The following XKR4 variants were observed in gnomAD, a reference collection of about 807,000 sequenced individuals.
XKR4 encodes the protein XK-related protein 4.
XKR4 carries 12 observed loss-of-function variants against 53.9 expected under a neutral mutation model. The ratio of observed to expected loss-of-function variants is 0.22; its 90% CI spans 0.14 to 0.36. The LOEUF is 0.36. XKR4 is among the 10% of genes least tolerant of loss of function. XKR4 has a pLI of 1.00. For missense variants in XKR4, 799 were observed against 859.5 expected (o/e 0.93, Z 0.88); for synonymous variants, 354 against 362.4 (o/e 0.98, Z 0.26).
chr8:55,102,675 C>CGCTGCTGCT lies in XKR4; in HGVS notation c.196_204dup (p.Cys66_Cys68dup). ...CTGCCCGGACGGCGGCGGCTGCTCGCGCTGCTGCTGCTGCTGCGCCGGGAG... is the reference window on the plus strand; with the variant it reads ...CTGCCCGGACGGCGGCGGCTGCTCGCGCTGCTGCTGCTGCTGCTGCTGCTGCGCCGGGAG... On this transcript the variant is annotated inframe_insertion, in exon 1 of 3. Transcript: ENST00000327381. The surrounding 1 kb of genome is among the most constrained non-coding windows in gnomAD (Gnocchi z 5.1). 1 of 1,224,936 alleles carries CGCTGCTGCT rather than the reference C, an allele frequency of 8.2e-7. No individual in the cohort carries two copies. Among genetic ancestry groups the CGCTGCTGCT allele is most frequent in the Non-Finnish European group, 1.0e-6 (1 of 974,360 alleles). The allele number at this position is 1,224,936 out of a possible 1,614,324, so 75.9% of individuals were successfully genotyped here.
At chr8:55,135,838 A>G (rs1816620367) in intron 1 of XKR4, among the ~76,000 whole-genome samples, 2 of 151,776 alleles carry the variant, frequency 1.3e-5, no homozygotes, top group African/African-American at 2.4e-5. Context: ...TGAAGAAAAC[A>G]TTGGATATAA....
intron 2 of XKR4, among the ~76,000 whole-genome samples, chr8:55,510,102 A>C: frequency 6.6e-6 from 1 of 152,060 alleles, no homozygotes; most frequent in Non-Finnish European, 1.5e-5. Flanking sequence ...CTCCCCTCCC[A>C]GGGGCAGGAG....
At chr8:55,382,173 T>C (rs1804244538) in intron 2 of XKR4, among the ~76,000 whole-genome samples, 1 of 152,254 alleles carries the variant, frequency 6.6e-6, no homozygotes, top group African/African-American at 2.4e-5. Context: ...ATTTTTCTGA[T>C]GCTGAGGTTT....
At chr8:55,305,083 C>T (rs551178082) in intron 1 of XKR4, among the ~76,000 whole-genome samples, 41 of 152,160 alleles carry the variant, frequency 2.7e-4, no homozygotes, top group African/African-American at 7.0e-4. Context: ...CAGCCAGTGG[C>T]GATGGGACTA....
At chr8:55,222,240 TACTC>T (rs1585948855) in intron 1 of XKR4, among the ~76,000 whole-genome samples, 1 of 152,218 alleles carries the variant, frequency 6.6e-6, no homozygotes, top group Non-Finnish European at 1.5e-5. Flanking sequence ...TTTAATGAAA[TACTC>T]ACCTTTCCTG....
intron 2 of XKR4, among the ~76,000 whole-genome samples, chr8:55,518,740 A>T (rs1031286461): frequency 4.6e-5 from 7 of 152,200 alleles, no homozygotes; most frequent in African/African-American, 1.7e-4. Flanking sequence ...TGGATTCAAG[A>T]CATGGAGTGA....
chr8:55,480,088 G>C (rs1332929537), intron 2 of XKR4, among the ~76,000 whole-genome samples: 1 of 152,136 alleles, frequency 6.6e-6, no homozygotes, highest in African/African-American at 2.4e-5. Flanking sequence ...GCCTGGCAGA[G>C]ACACCAACAA....
intron 1 of XKR4, among the ~76,000 whole-genome samples, chr8:55,350,869 A>G (rs1323315481): frequency 3.3e-5 from 5 of 150,762 alleles, no homozygotes; most frequent in African/African-American, 7.3e-5. Flanking sequence ...CCTCCTGAGT[A>G]GCTGGGATTA....
intron 2 of XKR4, among the ~76,000 whole-genome samples, chr8:55,446,917 T>C (rs1277854919): frequency 2.6e-5 from 4 of 152,218 alleles, no homozygotes; most frequent in Non-Finnish European, 5.9e-5. Context: ...GCCCCAAATG[T>C]ATGTTTATTG....
chr8:55,416,740 A>AAGCTTC (rs1454392247), intron 2 of XKR4, among the ~76,000 whole-genome samples: 1 of 152,146 alleles, frequency 6.6e-6, no homozygotes, highest in East Asian at 1.9e-4. Context: ...ATCTAGCCAA[A>AAGCTTC]AGCTTCCAAT....
At chr8:55,174,381 G>T (rs1245587861) in intron 1 of XKR4, among the ~76,000 whole-genome samples, 1 of 152,096 alleles carries the variant, frequency 6.6e-6, no homozygotes, top group Non-Finnish European at 1.5e-5. Flanking sequence ...TGTTTTTTCT[G>T]CATCCTGCAT....
chr8:55,365,350 T>G (rs1352716791), intron 2 of XKR4, among the ~76,000 whole-genome samples: 1 of 152,238 alleles, frequency 6.6e-6, no homozygotes, highest in Non-Finnish European at 1.5e-5. Flanking sequence ...TTTTGCTTTT[T>G]GTGATGATGT....
intron 1 of XKR4, among the ~76,000 whole-genome samples, chr8:55,350,437 C>T (rs1173532979): frequency 6.6e-6 from 1 of 152,122 alleles, no homozygotes; most frequent in Non-Finnish European, 1.5e-5. Flanking sequence ...TTTCCTCCAT[C>T]AAAAATTCAG....
At chr8:55,170,775 A>G (rs1187234080) in intron 1 of XKR4, among the ~76,000 whole-genome samples, 5 of 152,176 alleles carry the variant, frequency 3.3e-5, no homozygotes, top group Admixed American at 1.3e-4. Context: ...AAGATGGATC[A>G]CTTAGGCCCC....
intron 2 of XKR4, among the ~76,000 whole-genome samples, chr8:55,508,656 C>A (rs566871975): frequency 1.3e-5 from 2 of 152,328 alleles, no homozygotes; most frequent in South Asian, 4.1e-4. Flanking sequence ...GTTCAGAGAA[C>A]ACAAGAGGTT....
chr8:55,170,833 G>T (rs114472920), intron 1 of XKR4, among the ~76,000 whole-genome samples: 2,866 of 152,214 alleles, frequency 0.019, 103 homozygotes, highest in African/African-American at 0.066. Flanking sequence ...TTCCGGACAC[G>T]GGCGGGAGCT....
chr8:55,161,470 T>G (rs758049071), intron 1 of XKR4: 18 of 452,140 alleles, frequency 4.0e-5, no homozygotes, highest in Non-Finnish European at 6.6e-5. Context: ...CCTGCTGGGC[T>G]GGGCAGTGAT....
chr8:55,390,369 T>A (rs1358778273), intron 2 of XKR4, among the ~76,000 whole-genome samples: 1 of 152,210 alleles, frequency 6.6e-6, no homozygotes, highest in Non-Finnish European at 1.5e-5. Context: ...ACAGTCTTTG[T>A]CCTTTATATT....
At position 55,386,103 on chromosome 8, in the gene XKR4, G is replaced by T. The variant is rs529362835; in HGVS notation, c.1006+28226G>T. Among the ~76,000 whole-genome samples the T allele has an allele frequency of 2.6e-5, 4 of 152,312 alleles. No homozygotes were observed. In the South Asian group the frequency reaches 6.2e-4, roughly 24 times the overall value. On this transcript the variant is annotated intron_variant, in intron 2 of 2. Transcript: ENST00000327381. The stretch of plus-strand genomic sequence containing the variant: ...TAATGAAATGTCAAGACATCAAAAT[G>T]CTTATCCATTTTGTAGGACGAGGAG...
Sources: gnomAD v4.1 joint callset for allele counts (sites outside exome capture counted in the v4.1 genomes callset) on GRCh38, gnomAD v4.1.1 for gene constraint, Gnocchi (gnomAD v3.1) non-coding constraint, MANE v1.5 for transcripts, NCBI Gene and HGNC (gene_info 2026-07-23, HGNC 2026-07-21) for gene names.